Variants in TSPEAR observed in about 807,000 individuals in gnomAD.
The protein encoded by TSPEAR is thrombospondin-type laminin G domain and EAR repeat-containing protein.
TSPEAR carries 69 observed loss-of-function variants against 71.6 expected under a neutral mutation model. The ratio of observed to expected loss-of-function variants is 0.96; its 90% CI spans 0.79 to 1.18. The LOEUF (loss-of-function observed/expected upper bound fraction) is 1.18. Among genes scored for constraint, TSPEAR ranks in the 50% most tolerant of loss-of-function variants. The pLI is 0.00. For synonymous variants in TSPEAR, 402 were observed against 387.2 expected, an observed-to-expected ratio of 1.04 and a Z score of -0.45; for missense variants, 971 against 894.9, an observed-to-expected ratio of 1.09 and a Z score of -1.09.
At chr21:44,651,368 G>T (rs1320691844) in intron 1 of TSPEAR, among the ~76,000 whole-genome samples, 1 of 152,174 alleles carries the variant, frequency 6.6e-6, no homozygotes, top group East Asian at 1.9e-4. Context: ...GTGTCCTGTG[G>T]CCACAAACTT....
At chr21:44,655,715 C>T (rs1555942470) in intron 1 of TSPEAR, among the ~76,000 whole-genome samples, 2 of 152,174 alleles carry the variant, frequency 1.3e-5, no homozygotes, top group African/African-American at 4.8e-5. Flanking sequence ...ACACGCTCCT[C>T]CTCACACTCC....
rs1555910931 is a variant in TSPEAR, at chr21:44,499,931, T to C, written c.1862A>G (p.Gln621Arg). 1 of 1,605,188 alleles carries C rather than the reference T, an allele frequency of 6.2e-7. No individual in the cohort carries two copies. The highest frequency in any genetic ancestry group is 1.7e-5 in the Admixed American group (1 of 59,268). ...FSVNSIIYRW[Q>R]GYEGFVAVHS... Reference sequence around the variant, plus strand: ...CACCGCCACGAAGCCCTCGTAGCCCTGCCACCTGCGGAACAGACAGCGGCA... The same window carrying C: ...CACCGCCACGAAGCCCTCGTAGCCCCGCCACCTGCGGAACAGACAGCGGCA... The change falls in exon 12 of 12, where the codon CAG becomes CGG. Residue 621 changes from glutamine (Q) to arginine (R), a missense_variant. Coordinates refer to ENST00000323084, the MANE Select transcript of TSPEAR (RefSeq NM_144991.3).
At chr21:44,532,162 C>T (rs1019875978) in intron 3 of TSPEAR, among the ~76,000 whole-genome samples, 3 of 152,236 alleles carry the variant, frequency 2.0e-5, no homozygotes, top group Admixed American at 6.5e-5. Flanking sequence ...ACAATTGGTT[C>T]CAGGCCTGTG....
chr21:44,626,722 A>G (rs1275283405), intron 1 of TSPEAR, among the ~76,000 whole-genome samples: 2 of 152,132 alleles, frequency 1.3e-5, no homozygotes, highest in East Asian at 3.9e-4. Context: ...ATAATTCCTA[A>G]GGGCCGGCTT....
intron 1 of TSPEAR, among the ~76,000 whole-genome samples, chr21:44,629,426 G>A (rs781868711): frequency 4.6e-5 from 7 of 152,178 alleles, no homozygotes; most frequent in Non-Finnish European, 1.0e-4. Flanking sequence ...TCCTTACGGG[G>A]CTGTCCCTCT....
At chr21:44,654,468 C>A in intron 1 of TSPEAR, 1 of 1,613,962 alleles carries the variant, frequency 6.2e-7, no homozygotes, top group Admixed American at 1.7e-5. Flanking sequence ...ATACCCCACA[C>A]AGGGGCCGGC....
chr21:44,550,057 C>A (rs1361216881), intron 2 of TSPEAR, among the ~76,000 whole-genome samples: 8 of 152,272 alleles, frequency 5.3e-5, no homozygotes, highest in Admixed American at 5.2e-4. Flanking sequence ...ACAGCCCCAA[C>A]CCTTGCCATG....
At chr21:44,502,853 G>T (rs113585530) in intron 11 of TSPEAR, among the ~76,000 whole-genome samples, 11 of 149,018 alleles carry the variant, frequency 7.4e-5, no homozygotes, top group Admixed American at 2.6e-4. Context: ...TGAGCCCTTG[G>T]GGGGAAGCAA....
chr21:44,676,590 G>A (rs1242993935), intron 1 of TSPEAR: 2 of 728,426 alleles, frequency 2.7e-6, no homozygotes, highest in Non-Finnish European at 5.1e-6. Context: ...CTTGTTCCGA[G>A]AGTTTCTCAG....
At chr21:44,697,320 C>G (rs781808301) in intron 1 of TSPEAR, 19 of 1,612,730 alleles carry the variant, frequency 1.2e-5, no homozygotes, top group South Asian at 2.2e-5. Context: ...TGTGAGCCCC[C>G]CTGCTGCGCC....
chr21:44,657,704 A>T (rs932713797), intron 1 of TSPEAR, among the ~76,000 whole-genome samples: 1 of 152,238 alleles, frequency 6.6e-6, no homozygotes. Context: ...AGCCTGAAAA[A>T]AATTGACAAA....
intron 4 of TSPEAR, 39 bp downstream of exon 4, chr21:44,531,004 G>T: frequency 6.5e-7 from 1 of 1,535,140 alleles, no homozygotes; most frequent in Non-Finnish European, 9.0e-7. Context: ...GTCCCATCCC[G>T]CAGCACGGGT....
At chr21:44,536,575 C>A (rs753659152) in intron 2 of TSPEAR, among the ~76,000 whole-genome samples, 3 of 152,222 alleles carry the variant, frequency 2.0e-5, no homozygotes, top group Non-Finnish European at 4.4e-5. Context: ...TTAAACCCCA[C>A]AGCAAACACT....
chr21:44,637,345 GCTCACACACACACTCA>G (rs2146218526), intron 1 of TSPEAR: 1 of 1,476,408 alleles, frequency 6.8e-7, no homozygotes, highest in Admixed American at 2.0e-5. Flanking sequence ...CAGCTGACAG[GCTCACACACACACTCA>G]CTCACACACT....
At chr21:44,565,538 C>G (rs1292332842) in intron 2 of TSPEAR, among the ~76,000 whole-genome samples, 1 of 152,072 alleles carries the variant, frequency 6.6e-6, no homozygotes, top group Admixed American at 6.5e-5. Flanking sequence ...GGGATTTATC[C>G]CTGGGATACA....
At position 44,567,766 on chromosome 21, in the gene TSPEAR, T is replaced by G. The variant is rs370061390; in HGVS notation, c.303+19A>C. The G allele has an allele frequency of 2.2e-5, 34 of 1,541,248 alleles. No individual in the cohort carries two copies. The African/African-American group carries it at 4.1e-4, about 19-fold the overall frequency. ...AAAATTACGCTATTATAACACGAAGTGCAGAAAGTGCCACTGACCTTGGGT... is the reference window on the plus strand; with the variant it reads ...AAAATTACGCTATTATAACACGAAGGGCAGAAAGTGCCACTGACCTTGGGT... On this transcript the variant is annotated intron_variant, in intron 2 of 11. Coordinates refer to ENST00000323084, the MANE Select transcript of TSPEAR (RefSeq NM_144991.3).
chr21:44,599,710 G>C (rs1195256120), intron 1 of TSPEAR, among the ~76,000 whole-genome samples: 7 of 152,254 alleles, frequency 4.6e-5, no homozygotes, highest in Non-Finnish European at 1.0e-4. Context: ...AAAAAGATGT[G>C]GTGGCCAATT....
chr21:44,514,074 C>T lies in TSPEAR; in HGVS notation c.1567-4688G>A, dbSNP rs587766921. The stretch of plus-strand genomic sequence containing the variant: ...CCTAGGCCACTGCCAGCTCCTGTGT[C>T]AGAGAAGACAGAAGTCATGGGGCAT... On this transcript the variant is annotated intron_variant, in intron 9 of 11. Coordinates refer to ENST00000323084, the MANE Select transcript of TSPEAR (RefSeq NM_144991.3). 2.4e-3 allele frequency among the ~76,000 whole-genome samples: 365 copies of T among 152,312 alleles called. 1 individual carries two copies. The highest frequency in any genetic ancestry group is 0.01 in the Middle Eastern group (3 of 294).
intron 1 of TSPEAR, among the ~76,000 whole-genome samples, chr21:44,669,144 T>C (rs587711238): frequency 6.6e-6 from 1 of 152,202 alleles, no homozygotes; most frequent in Admixed American, 6.5e-5. Context: ...ATATGTAATA[T>C]CAAACTCAGG....
Sources: allele counts gnomAD v4.1 joint callset (sites outside exome capture counted in the v4.1 genomes callset), GRCh38; gene constraint gnomAD v4.1.1; transcripts MANE v1.5; gene names NCBI Gene and HGNC (gene_info 2026-07-23, HGNC 2026-07-21).